NRG3: variants seen among roughly 807,000 people sequenced by gnomAD.
NRG3 encodes neuregulin 3.
In NRG3, 31 loss-of-function variants were observed where a neutral mutation model predicts 66.9. That is an observed-to-expected ratio of 0.46 (90% CI 0.35 to 0.63). The LOEUF (loss-of-function observed/expected upper bound fraction) is 0.63. NRG3 is among the 20% of genes least tolerant of loss of function. The probability of loss-of-function intolerance (pLI) is 0.00; values close to 1 mark genes in which losing one functional copy is unlikely to be tolerated. For missense variants in NRG3, 910 were observed against 878.9 expected (o/e 1.04, Z -0.45); for synonymous variants, 393 against 359.4 (o/e 1.09, Z -1.06).
At chr10:82,713,483 A>G (rs895278234) in intron 2 of NRG3, among the ~76,000 whole-genome samples, 5 of 152,192 alleles carry the variant, frequency 3.3e-5, no homozygotes, top group African/African-American at 7.2e-5. Context: ...GAAAGGAGTC[A>G]TGGATGCTTT....
At chr10:82,924,578 T>TAAA (rs11376707) in intron 4 of NRG3, among the ~76,000 whole-genome samples, 1 of 142,416 alleles carries the variant, frequency 7.0e-6, no homozygotes, top group African/African-American at 2.6e-5. Context: ...TATCTCACAT[T>TAAA]AAAAAAAAAA....
chr10:82,137,094 TGG>T (rs994957675), intron 1 of NRG3, among the ~76,000 whole-genome samples: 2 of 152,186 alleles, frequency 1.3e-5, no homozygotes, highest in African/African-American at 2.4e-5. Flanking sequence ...GATGTTCGTG[TGG>T]GGGAAACAAA....
chr10:82,039,928 T>C (rs1273505114), intron 1 of NRG3, among the ~76,000 whole-genome samples: 1 of 152,104 alleles, frequency 6.6e-6, no homozygotes, highest in African/African-American at 2.4e-5. Context: ...ACTTCTGCCA[T>C]GAATTGTGTC....
chr10:82,954,573 A>T (rs1849848220), intron 5 of NRG3, among the ~76,000 whole-genome samples: 1 of 151,880 alleles, frequency 6.6e-6, no homozygotes, highest in African/African-American at 2.4e-5. Context: ...TAATAACTAA[A>T]GGCAAAAATG....
At chr10:81,939,356 A>G (rs1417490539) in intron 1 of NRG3, among the ~76,000 whole-genome samples, 1 of 151,842 alleles carries the variant, frequency 6.6e-6, no homozygotes, top group African/African-American at 2.4e-5. Context: ...TTCTTCCTTC[A>G]GTGTTTGCCA....
chr10:82,972,175 ATGTAT>A (rs1851825528), intron 6 of NRG3, among the ~76,000 whole-genome samples: 1 of 152,042 alleles, frequency 6.6e-6, no homozygotes, highest in African/African-American at 2.4e-5. Context: ...TAGTTTTTTC[ATGTAT>A]TGTATATTAC....
At chr10:82,980,560 C>T (rs895763080) in intron 8 of NRG3, among the ~76,000 whole-genome samples, 2 of 152,108 alleles carry the variant, frequency 1.3e-5, no homozygotes, top group Non-Finnish European at 2.9e-5. Context: ...AAACGGGTTA[C>T]GTCTAGCACA....
chr10:82,825,072 T>A (rs1167790269), intron 3 of NRG3, among the ~76,000 whole-genome samples: 1 of 152,184 alleles, frequency 6.6e-6, no homozygotes, highest in Non-Finnish European at 1.5e-5. Flanking sequence ...ATCCAAGTCC[T>A]TTATCAGTTA....
chr10:82,504,421 A>C (rs1046630834), intron 2 of NRG3, among the ~76,000 whole-genome samples: 3 of 152,146 alleles, frequency 2.0e-5, no homozygotes, highest in African/African-American at 7.2e-5. Flanking sequence ...TGGTGTAGCC[A>C]AAGTTGTCCT....
chr10:82,915,794 A>G (rs1444444434), intron 4 of NRG3, among the ~76,000 whole-genome samples: 3 of 152,178 alleles, frequency 2.0e-5, no homozygotes, highest in Admixed American at 2.0e-4. Context: ...CACTAAACCT[A>G]AAAAATTCAG....
chr10:82,435,020 T>A (rs756391647), intron 2 of NRG3, among the ~76,000 whole-genome samples: 3 of 152,198 alleles, frequency 2.0e-5, no homozygotes, highest in Non-Finnish European at 4.4e-5. Context: ...GAAGTAATGG[T>A]ACCAGCTCCT....
At chr10:82,796,121 G>A (rs530227981) in intron 3 of NRG3, among the ~76,000 whole-genome samples, 7 of 152,182 alleles carry the variant, frequency 4.6e-5, no homozygotes, top group African/African-American at 1.2e-4. Flanking sequence ...ACAGACTTAT[G>A]AGCTTCTCAA....
chr10:82,293,103 C>T (rs1431247662), intron 1 of NRG3, among the ~76,000 whole-genome samples: 2 of 152,068 alleles, frequency 1.3e-5, no homozygotes, highest in South Asian at 2.1e-4. Context: ...GGCTTTTGGC[C>T]CCTGTGGGAG....
At chr10:82,934,023 G>A (rs1357103872) in intron 4 of NRG3, among the ~76,000 whole-genome samples, 3 of 152,084 alleles carry the variant, frequency 2.0e-5, no homozygotes, top group Non-Finnish European at 4.4e-5. Context: ...GTGTGTGCTC[G>A]GGCAATTTAT....
chr10:81,938,392 G>T (rs1848085299), intron 1 of NRG3, among the ~76,000 whole-genome samples: 6 of 113,084 alleles, frequency 5.3e-5, no homozygotes, highest in African/African-American at 1.1e-4. Flanking sequence ...GTGTGTGTGT[G>T]TTTTTTTTTT....
At chr10:82,266,603 C>T (rs1482505130) in intron 1 of NRG3, among the ~76,000 whole-genome samples, 2 of 152,140 alleles carry the variant, frequency 1.3e-5, no homozygotes, top group Non-Finnish European at 2.9e-5. Flanking sequence ...GACAGAATCA[C>T]TTGGGAGAAT....
chr10:82,981,105 G>A (rs1852841208), intron 8 of NRG3, among the ~76,000 whole-genome samples: 1 of 152,128 alleles, frequency 6.6e-6, no homozygotes, highest in African/African-American at 2.4e-5. Flanking sequence ...TGTTCGATTA[G>A]TAAGGGTGCT....
intron 2 of NRG3, among the ~76,000 whole-genome samples, chr10:82,698,067 T>C (rs1031496503): frequency 2.0e-5 from 3 of 152,190 alleles, no homozygotes; most frequent in African/African-American, 7.2e-5. Context: ...TCTGTAGCTG[T>C]TTTTTAAAAA....
intron 1 of NRG3, among the ~76,000 whole-genome samples, chr10:82,285,746 G>A (rs549948269): frequency 6.6e-6 from 1 of 152,288 alleles, no homozygotes; most frequent in African/African-American, 2.4e-5. Context: ...TCTGTTCAAA[G>A]CACTTAGTAT....
Sources: allele counts gnomAD v4.1 joint callset (sites outside exome capture counted in the v4.1 genomes callset), GRCh38; gene constraint gnomAD v4.1.1; transcripts MANE v1.5; gene names NCBI Gene and HGNC (gene_info 2026-07-23, HGNC 2026-07-21).